Variants in DNAH12 observed in about 807,000 individuals in gnomAD.
DNAH12 encodes dynein axonemal heavy chain 12, also known as axonemal beta dynein heavy chain 12.
DNAH12 carries 285 observed loss-of-function variants against 371.5 expected under a neutral mutation model. That is an observed-to-expected ratio of 0.77 (90% confidence interval 0.70 to 0.85). The LOEUF (loss-of-function observed/expected upper bound fraction) is 0.85. Among genes scored for constraint, DNAH12 ranks in the 40% least tolerant of loss-of-function variants. The pLI is 0.00. For synonymous variants in DNAH12, 1,200 were observed against 1,213.0 expected (o/e 0.99, Z 0.22); for missense variants, 3,611 against 3,689.4 (o/e 0.98, Z 0.55).
intron 42 of DNAH12, among the ~76,000 whole-genome samples, chr3:57,403,874 G>C (rs2063945504): frequency 6.6e-6 from 1 of 151,988 alleles, no homozygotes; most frequent in Non-Finnish European, 1.5e-5. Context: ...ATTCAGAAAA[G>C]GCACTTAGCT....
At chr3:57,471,667 A>T (rs2066373563) in intron 14 of DNAH12, 61 bp from the exon 15 acceptor site, 19 of 1,390,020 alleles carry the variant, frequency 1.4e-5, no homozygotes, top group Non-Finnish European at 1.3e-5. Flanking sequence ...TCAAGTCAGA[A>T]ATCCAAATAC....
chr3:57,359,586 A>AAAGAAAG (rs1176032770), intron 58 of DNAH12, among the ~76,000 whole-genome samples: 1 of 150,446 alleles, frequency 6.6e-6, no homozygotes, highest in Admixed American at 6.6e-5. Flanking sequence ...AAAAAGAAAG[A>AAAGAAAG]AAGAAAGAAA....
intron 13 of DNAH12, among the ~76,000 whole-genome samples, chr3:57,481,844 G>A (rs1185183814): frequency 6.6e-6 from 1 of 152,014 alleles, no homozygotes; most frequent in Non-Finnish European, 1.5e-5. Flanking sequence ...TTAATAAATG[G>A]TGCTGGGAAA....
At chr3:57,438,960 TACACACACAC>T (rs1033594605) in intron 29 of DNAH12, among the ~76,000 whole-genome samples, 2 of 119,898 alleles carry the variant, frequency 1.7e-5, no homozygotes, top group Non-Finnish European at 3.4e-5. Context: ...ACAATAGACA[TACACACACAC>T]ATACACACAC....
chr3:57,544,126 GTTTAAGTTGGCACCCAAATCGCGATA>G, intron 1 of DNAH12, 45 bp downstream of exon 1: 1 of 152,398 alleles, frequency 6.6e-6, no homozygotes, highest in Middle Eastern at 3.4e-3. Flanking sequence ...TTGAAAGAGT[GTTTAAGTTGGCACCCAAATCGCGATA>G]CCTGCCCTGG....
chr3:57,478,516 G>A (rs2066616809), intron 13 of DNAH12, among the ~76,000 whole-genome samples: 1 of 152,150 alleles, frequency 6.6e-6, no homozygotes, highest in African/African-American at 2.4e-5. Flanking sequence ...TATTATCCAG[G>A]AGAACTTCCC....
At chr3:57,543,309 T>C (rs2069375890) in intron 1 of DNAH12, among the ~76,000 whole-genome samples, 1 of 138,402 alleles carries the variant, frequency 7.2e-6, no homozygotes, top group African/African-American at 2.9e-5. Context: ...TTTAACATCA[T>C]TAATGGTTTT....
intron 45 of DNAH12, among the ~76,000 whole-genome samples, chr3:57,389,839 T>TATATATATATATATACATATATAA (rs1326237791): frequency 8.3e-5 from 7 of 84,846 alleles, no homozygotes; most frequent in African/African-American, 2.1e-4. Flanking sequence ...TATATATATA[T>TATATATATATATATACATATATAA]AATACTTTTT....
chr3:57,448,761 C>T (rs28786540), intron 25 of DNAH12, among the ~76,000 whole-genome samples: 4 of 151,990 alleles, frequency 2.6e-5, no homozygotes, highest in African/African-American at 7.2e-5. Flanking sequence ...AAGCTCTCCA[C>T]GTCCCCATCA....
At chr3:57,542,162 G>C (rs934295364) in intron 2 of DNAH12, among the ~76,000 whole-genome samples, 9 of 130,348 alleles carry the variant, frequency 6.9e-5, no homozygotes, top group Admixed American at 1.5e-4. Flanking sequence ...AACTGGGGGG[G>C]GGGGGGGCGG....
chr3:57,542,905 T>C lies in DNAH12; in HGVS notation c.-33-2A>G, dbSNP rs970192916. On this transcript the variant is annotated splice_acceptor_variant, in intron 1 of 73. Coordinates refer to ENST00000495027, the MANE Select transcript of DNAH12 (RefSeq NM_001366028.2). LOFTEE classifies it low-confidence loss of function (5UTR_SPLICE). ...CTAAAGATTAAAATACTCTGTACTC[T>C]GAGGAGAAAAAGTCCATAAAGCCAT... The C allele has an allele frequency of 8.0e-6, 12 of 1,505,474 alleles. No individual in the cohort carries two copies. Among genetic ancestry groups the C allele is most frequent in the East Asian group, 2.3e-5 (1 of 43,478 alleles). The allele number at this position is 1,505,474 out of a possible 1,614,324, so 93.3% of individuals were successfully genotyped here. A position where few individuals can be genotyped will look rare whatever the true frequency, so the allele number is the denominator to read the frequency against.
intron 2 of DNAH12, among the ~76,000 whole-genome samples, chr3:57,527,900 T>C (rs977375928): frequency 6.6e-6 from 1 of 152,242 alleles, no homozygotes; most frequent in Non-Finnish European, 1.5e-5. Flanking sequence ...CATTTGTCTA[T>C]TTTTGCTTTG....
chr3:57,303,439 T>C (rs1355754116), intron 69 of DNAH12, among the ~76,000 whole-genome samples: 3 of 144,714 alleles, frequency 2.1e-5, no homozygotes, highest in Non-Finnish European at 4.5e-5. Context: ...TGAGACAAGG[T>C]CTCACTGTGT....
chr3:57,357,246 T>C lies in DNAH12; in HGVS notation c.9463A>G (p.Asn3155Asp), dbSNP rs890523687. 3 of 152,154 alleles carry C rather than the reference T, an allele frequency of 2.0e-5. No individual in the cohort carries two copies. Among genetic ancestry groups the C allele is most frequent in the Non-Finnish European group, 2.9e-5 (2 of 68,034 alleles). 9.4% of individuals were successfully genotyped at this position (152,154 alleles called of 1,614,324 possible). The change falls in exon 59 of 74, where the codon AAT (asparagine) becomes GAT (aspartate). Residue 3155 changes from asparagine (N) to aspartate (D), a missense_variant. Coordinates refer to ENST00000495027, the MANE Select transcript of DNAH12 (RefSeq NM_001366028.2). ...VLFFSIADLA[N>D]IDPMYQYSLT... is the part of the protein sequence containing the mutation. ...GAGTACTGATACATGGGATCAATAT[T>C]AGCCAGGTCTGCAATGCTAAAGAAT...
chr3:57,474,502 G>T (rs1421362607), intron 13 of DNAH12, among the ~76,000 whole-genome samples: 1 of 152,054 alleles, frequency 6.6e-6, no homozygotes, highest in Non-Finnish European at 1.5e-5. Flanking sequence ...CACCATGTTG[G>T]TCAGGCTGGT....
chr3:57,304,450 T>TA (rs1167443343), intron 69 of DNAH12, among the ~76,000 whole-genome samples: 3 of 152,030 alleles, frequency 2.0e-5, no homozygotes, highest in Non-Finnish European at 4.4e-5. Flanking sequence ...CAACCTCTCT[T>TA]ACTATCCCTC....
chr3:57,301,188 C>T lies in DNAH12; in HGVS notation c.11394+547G>A, dbSNP rs1575417852. Reference sequence around the variant, plus strand: ...TGTAGTTCCAGTTATTCAAGAGGATCCCAGGATTTTGAGATTACAGTGAGC... The same window carrying T: ...TGTAGTTCCAGTTATTCAAGAGGATTCCAGGATTTTGAGATTACAGTGAGC... On this transcript the variant is annotated intron_variant, in intron 70 of 73. Coordinates refer to ENST00000495027, the MANE Select transcript of DNAH12 (RefSeq NM_001366028.2). Among the ~76,000 whole-genome samples, 4 of 136,428 alleles carry T rather than the reference C, an allele frequency of 2.9e-5. No individual in the cohort carries two copies. In the South Asian group the frequency reaches 9.4e-4, roughly 32 times the overall value. 89.5% of individuals were successfully genotyped at this position (136,428 alleles called of 152,430 possible).
chr3:57,317,672 T>C (rs1272564873), intron 65 of DNAH12, among the ~76,000 whole-genome samples: 1 of 133,100 alleles, frequency 7.5e-6, no homozygotes, highest in Non-Finnish European at 1.6e-5. Context: ...GATCCTGATT[T>C]CAATTTTTTT....
intron 38 of DNAH12, among the ~76,000 whole-genome samples, chr3:57,414,572 G>A (rs115999767): frequency 0.011 from 1,691 of 152,116 alleles, 30 homozygotes; most frequent in African/African-American, 0.038. Context: ...CCTGATTTCT[G>A]TTGTTCCCTT....
Sources: gnomAD v4.1 joint callset for allele counts (sites outside exome capture counted in the v4.1 genomes callset) on GRCh38, gnomAD v4.1.1 for gene constraint, MANE v1.5 for transcripts, NCBI Gene and HGNC (gene_info 2026-07-23, HGNC 2026-07-21) for gene names.